The following ST14 variants were observed in gnomAD, a reference collection of about 807,000 sequenced individuals.
The protein encoded by ST14 is suppressor of tumorigenicity 14 protein.
ST14 carries 40 observed loss-of-function variants against 96.5 expected under a neutral mutation model. The ratio of observed to expected loss-of-function variants is 0.41; its 90% CI spans 0.32 to 0.54. The LOEUF (loss-of-function observed/expected upper bound fraction) is 0.54. Among genes scored for constraint, ST14 ranks in the 20% least tolerant of loss-of-function variants. The pLI, the probability that ST14 is intolerant of heterozygous loss-of-function variation, is 0.17. For missense variants in ST14, 1,066 were observed against 1,188.9 expected, an observed-to-expected ratio of 0.90 and a Z score of 1.52; for synonymous variants, 506 against 492.1, an observed-to-expected ratio of 1.03 and a Z score of -0.37.
intron 7 of ST14, among the ~76,000 whole-genome samples, chr11:130,192,710 T>C (rs1432772937): frequency 6.6e-6 from 1 of 152,202 alleles, no homozygotes; most frequent in African/African-American, 2.4e-5. Flanking sequence ...GATGTCTATT[T>C]TCCCAGCCTT....
At position 130,196,972 on chromosome 11, in the gene ST14, T is replaced by C. The variant is rs4245086; in HGVS notation, c.1354+272T>C. ...GCTGGAGACGCCCCTCATCTGAGCT[T>C]CCCCGGCCATCTGTCCCTCAGGCCC... is the stretch of plus-strand genomic sequence containing the variant. On this transcript the variant is annotated intron_variant, in intron 11 of 18. Coordinates refer to ENST00000278742, the MANE Select transcript of ST14 (RefSeq NM_021978.4). 0.69 allele frequency among the ~76,000 whole-genome samples: 105,285 copies of C among 151,700 alleles called. 36,864 individuals carry two copies. The highest frequency in any genetic ancestry group is 0.94 in the East Asian group (4,811 of 5,134).
intron 16 of ST14, among the ~76,000 whole-genome samples, chr11:130,206,415 GC>G (rs1187857498): frequency 6.6e-6 from 1 of 152,174 alleles, no homozygotes; most frequent in African/African-American, 2.4e-5. Context: ...TCGTTCTCCA[GC>G]CGTACTTTGC....
At chr11:130,201,392 AC>A (rs1953426467) in intron 16 of ST14, among the ~76,000 whole-genome samples, 1 of 152,148 alleles carries the variant, frequency 6.6e-6, no homozygotes, top group Non-Finnish European at 1.5e-5. Context: ...GGAGCAGGTG[AC>A]CCAAGCCCTC....
chr11:130,174,149 G>A (rs926691755), intron 1 of ST14, among the ~76,000 whole-genome samples: 8 of 152,180 alleles, frequency 5.3e-5, no homozygotes, highest in African/African-American at 1.7e-4. Flanking sequence ...GAGGGAGTCT[G>A]CCCACAGGCT....
chr11:130,203,542 C>T (rs766137191), intron 16 of ST14, among the ~76,000 whole-genome samples: 4 of 152,228 alleles, frequency 2.6e-5, no homozygotes, highest in Non-Finnish European at 5.9e-5. Context: ...CCTTCACGAC[C>T]GACACGGCCA....
chr11:130,206,335 C>T (rs1337752403), intron 16 of ST14, among the ~76,000 whole-genome samples: 1 of 152,128 alleles, frequency 6.6e-6, no homozygotes, highest in Non-Finnish European at 1.5e-5. Flanking sequence ...ACAGGTTTCG[C>T]CATCATAAAG....
At position 130,188,031 on chromosome 11, in the gene ST14, A is replaced by C. The variant is rs1279345555; in HGVS notation, c.82-83A>C. On this transcript the variant is annotated intron_variant, in intron 1 of 18. Coordinates refer to ENST00000278742, the MANE Select transcript of ST14 (RefSeq NM_021978.4). The surrounding 1 kb of genome is among the most constrained non-coding windows in gnomAD (Gnocchi z 5.4). Reference sequence around the variant, plus strand: ...TGCTTTCTTCTCCAAGCTGGACCTCACAAAATGTGAACATCTTCCCCAGCG... The same window carrying C: ...TGCTTTCTTCTCCAAGCTGGACCTCCCAAAATGTGAACATCTTCCCCAGCG... The C allele has an allele frequency of 6.4e-7, 1 of 1,568,514 alleles. No individual in the cohort carries two copies. Among genetic ancestry groups the C allele is most frequent in the African/African-American group, 1.4e-5 (1 of 73,722 alleles).
intron 16 of ST14, among the ~76,000 whole-genome samples, chr11:130,206,563 TTTTC>T (rs1446850130): frequency 1.8e-4 from 18 of 99,736 alleles, no homozygotes; most frequent in South Asian, 1.2e-3. Flanking sequence ...TTCTCTTTTC[TTTTC>T]TTTTTTTTTT....
Position 130,197,949 on chromosome 11 carries a change from A to G in ST14, c.1459+4A>G. ...CACAGCGATGAGCTCAACTGCAGTG[A>G]GTCAGGCTGGGAGCCCCGGTCTCCC... On this transcript the variant is annotated splice_donor_region_variant and intron_variant, in intron 12 of 18. Coordinates refer to ENST00000278742, the MANE Select transcript of ST14 (RefSeq NM_021978.4). 6.4e-7 allele frequency: 1 copy of G among 1,574,512 alleles called. No homozygotes were observed. The highest frequency in any genetic ancestry group is 8.6e-7 in the Non-Finnish European group (1 of 1,162,864).
chr11:130,170,651 TAACCGAG>T (rs1473086420), intron 1 of ST14, among the ~76,000 whole-genome samples: 3 of 151,688 alleles, frequency 2.0e-5, no homozygotes, highest in African/African-American at 7.3e-5. Flanking sequence ...GATGGGTTCC[TAACCGAG>T]AGGTTAGGAA....
intron 9 of ST14, among the ~76,000 whole-genome samples, 157 bp from the exon 10 acceptor site, chr11:130,196,182 C>G (rs944330133): frequency 6.6e-6 from 1 of 151,770 alleles, no homozygotes; most frequent in Non-Finnish European, 1.5e-5. Context: ...AACAAACAAA[C>G]AAACAAACAA....
chr11:130,170,982 A>G (rs760253330), intron 1 of ST14, among the ~76,000 whole-genome samples: 1 of 152,252 alleles, frequency 6.6e-6, no homozygotes, highest in Non-Finnish European at 1.5e-5. Context: ...TAGCAATGAC[A>G]TAGAATGGAA....
intron 1 of ST14, among the ~76,000 whole-genome samples, chr11:130,175,173 C>T (rs1206690518): frequency 1.3e-5 from 2 of 151,964 alleles, no homozygotes; most frequent in African/African-American, 2.4e-5. Context: ...TTCTTGGATT[C>T]GTTTGTCCTT....
intron 1 of ST14, among the ~76,000 whole-genome samples, chr11:130,172,411 C>CTTTT (rs1173051845): frequency 6.5e-4 from 57 of 88,292 alleles, no homozygotes; most frequent in South Asian, 1.1e-3. Flanking sequence ...TGGCTGTCTT[C>CTTTT]TTTTTTTTTT....
In ST14 at chr11:130,210,088, C is replaced by T; in HGVS notation, c.*265C>T. ...AAAGGTTTGAAGACACAGCCTCCCCCGCCAGCCCCAAGCTGGGCCGAGGCG... is the reference window on the plus strand; with the variant it reads ...AAAGGTTTGAAGACACAGCCTCCCCTGCCAGCCCCAAGCTGGGCCGAGGCG... On this transcript the variant is annotated 3_prime_UTR_variant, in exon 19 of 19. Transcript: ENST00000278742. The T allele has an allele frequency of 2.0e-6, 1 of 489,602 alleles. No individual in the cohort carries two copies. The highest frequency in any genetic ancestry group is 5.5e-4 in the Middle Eastern group (1 of 1,816). The allele number at this position is 489,602 out of a possible 1,614,324, so 30.3% of individuals were successfully genotyped here.
intron 15 of ST14, 39 bp downstream of exon 15, chr11:130,199,108 A>C: frequency 6.2e-7 from 1 of 1,601,042 alleles, no homozygotes; most frequent in South Asian, 1.1e-5. Context: ...CAGGTTGTTC[A>C]CTGTGTGAAG....
In ST14 at chr11:130,175,304, T is replaced by G. The variant is rs115612683; in HGVS notation, c.82-12810T>G. On this transcript the variant is annotated intron_variant, in intron 1 of 18. Transcript: ENST00000278742. ...GAACATATCTTGGCTGATTGGTGGG[T>G]TTTTTTTTGTTTTTTTGTTTTTGAA... 6.0e-3 allele frequency among the ~76,000 whole-genome samples: 882 copies of G among 147,936 alleles called. 9 individuals are homozygous for G. The highest frequency in any genetic ancestry group is 0.02 in the African/African-American group (779 of 39,262).
intron 7 of ST14, 99 bp downstream of exon 7, chr11:130,190,793 G>C (rs1288742399): frequency 7.1e-6 from 10 of 1,415,020 alleles, no homozygotes; most frequent in Non-Finnish European, 8.4e-6. Context: ...ATGACTCTTG[G>C]CCGCAGGCCA....
At chr11:130,189,230 A>T (rs532377844) in intron 4 of ST14, 1 of 540,970 alleles carries the variant, frequency 1.8e-6, no homozygotes, top group Non-Finnish European at 3.3e-6. Flanking sequence ...AAATTTGGGT[A>T]TGGGGGAGTT....
Sources: allele counts gnomAD v4.1 joint callset (sites outside exome capture counted in the v4.1 genomes callset), GRCh38; gene constraint gnomAD v4.1.1; non-coding constraint Gnocchi (gnomAD v3.1); transcripts MANE v1.5; gene names NCBI Gene and HGNC (gene_info 2026-07-23, HGNC 2026-07-21).